WWOX: variants seen among roughly 807,000 people sequenced by gnomAD.
WWOX encodes the protein WW domain containing oxidoreductase.
A neutral mutation model predicts 46.2 loss-of-function variants in WWOX; 69 were observed. The ratio of observed to expected loss-of-function variants is 1.49; its 90% confidence interval spans 1.23 to 1.82. The LOEUF (loss-of-function observed/expected upper bound fraction) is 1.82. Among genes scored for constraint, WWOX ranks in the 40% most tolerant of loss-of-function variants. WWOX has a pLI of 0.00. For synonymous variants in WWOX, 359 were observed against 202.6 expected (o/e 1.77, Z -6.56); for missense variants, 919 against 542.6 (o/e 1.69, Z -6.89).
At chr16:78,451,153 C>T (rs1016474614) in intron 8 of WWOX, among the ~76,000 whole-genome samples, 2 of 152,060 alleles carry the variant, frequency 1.3e-5, no homozygotes, top group Non-Finnish European at 1.5e-5. Context: ...GAGTGGAGGC[C>T]GATTTCATCC....
intron 8 of WWOX, among the ~76,000 whole-genome samples, chr16:78,716,308 C>A (rs1279507768): frequency 6.6e-6 from 1 of 152,072 alleles, no homozygotes; most frequent in Non-Finnish European, 1.5e-5. Context: ...TCCCCTCCAG[C>A]CTTTGGAGGG....
intron 8 of WWOX, among the ~76,000 whole-genome samples, chr16:78,507,993 C>CGTGTGTGTGT (rs370434842): frequency 1.3e-3 from 193 of 145,540 alleles, no homozygotes; most frequent in African/African-American, 4.0e-3. Flanking sequence ...TTTTTGGTTG[C>CGTGTGTGTGT]GTGCGTGTGT....
At chr16:79,063,468 C>G (rs763145213) in intron 8 of WWOX, among the ~76,000 whole-genome samples, 7 of 152,118 alleles carry the variant, frequency 4.6e-5, no homozygotes, top group Non-Finnish European at 7.3e-5. Context: ...ATAGGAGGGA[C>G]AAAATAACTA....
At chr16:78,312,106 C>A (rs1339944599) in intron 5 of WWOX, among the ~76,000 whole-genome samples, 1 of 152,138 alleles carries the variant, frequency 6.6e-6, no homozygotes, top group Non-Finnish European at 1.5e-5. Context: ...TTGCCTCCTC[C>A]TCTTACTTTT....
chr16:78,821,360 A>G (rs1597669010), intron 8 of WWOX, among the ~76,000 whole-genome samples: 2 of 152,270 alleles, frequency 1.3e-5, no homozygotes, highest in East Asian at 1.9e-4. Context: ...CCACCCCACA[A>G]CAGGTGTATG....
intron 8 of WWOX, among the ~76,000 whole-genome samples, chr16:78,842,372 G>A (rs1003769921): frequency 6.6e-6 from 1 of 151,804 alleles, no homozygotes; most frequent in Admixed American, 6.6e-5. Context: ...GCTTGGTGGT[G>A]CACACCTGTA....
At chr16:78,371,929 C>T (rs567710786) in intron 5 of WWOX, among the ~76,000 whole-genome samples, 2 of 152,258 alleles carry the variant, frequency 1.3e-5, no homozygotes, top group Admixed American at 6.5e-5. Flanking sequence ...TAATTTATTT[C>T]CAGCTTATGT....
chr16:78,350,704 C>G lies in WWOX; in HGVS notation c.517-36156C>G, dbSNP rs35592895. 9.9e-5 allele frequency among the ~76,000 whole-genome samples: 12 copies of G among 121,136 alleles called. 5 individuals carry two copies. The highest frequency in any genetic ancestry group is 2.4e-4 in the Non-Finnish European group (12 of 50,706). 79.5% of individuals were successfully genotyped at this position (121,136 alleles called of 152,430 possible). On this transcript the variant is annotated intron_variant, in intron 5 of 8. Transcript: ENST00000566780. ...ACATTTCATCTATGCATTCAGTTCACGGACATGTAGGTTGTTTCCACATTT... is the reference window on the plus strand; with the variant it reads ...ACATTTCATCTATGCATTCAGTTCAGGGACATGTAGGTTGTTTCCACATTT...
chr16:78,156,943 A>G (rs1597281970), intron 4 of WWOX, among the ~76,000 whole-genome samples: 1 of 152,308 alleles, frequency 6.6e-6, no homozygotes, highest in Admixed American at 6.5e-5. Context: ...TCAGTCAATC[A>G]GTCAATCAAT....
chr16:78,790,943 C>T (rs912320167), intron 8 of WWOX, among the ~76,000 whole-genome samples: 1 of 136,934 alleles, frequency 7.3e-6, no homozygotes, highest in African/African-American at 2.8e-5. Context: ...CACCTGAGCC[C>T]AGGAGATGGA....
Position 78,354,243 on chromosome 16 carries a change from C to G in WWOX, c.517-32617C>G, listed in dbSNP as rs1212131658. 2.6e-5 allele frequency among the ~76,000 whole-genome samples: 4 copies of G among 150,972 alleles called. 1 individual carries two copies. Among genetic ancestry groups the G allele is most frequent in the Admixed American group, 2.6e-4 (4 of 15,140 alleles). On this transcript the variant is annotated intron_variant, in intron 5 of 8. Coordinates refer to ENST00000566780, the MANE Select transcript of WWOX (RefSeq NM_016373.4). ...CCACCCCAGCACCCCCCCACCCCTG[C>G]CAGAAATAAAGGGATTAATCTCTTT...
chr16:78,307,508 T>C (rs1423107229), intron 5 of WWOX, among the ~76,000 whole-genome samples: 1 of 152,204 alleles, frequency 6.6e-6, no homozygotes, highest in Non-Finnish European at 1.5e-5. Flanking sequence ...GGCAACAATC[T>C]GGTGGCTTCT....
At chr16:78,352,748 T>TA (rs1680283640) in intron 5 of WWOX, among the ~76,000 whole-genome samples, 1 of 152,126 alleles carries the variant, frequency 6.6e-6, no homozygotes, top group Non-Finnish European at 1.5e-5. Flanking sequence ...GCATTCCACA[T>TA]ACAGCAGTAC....
chr16:78,859,377 A>G (rs2052663502), intron 8 of WWOX, among the ~76,000 whole-genome samples: 1 of 152,106 alleles, frequency 6.6e-6, no homozygotes, highest in Non-Finnish European at 1.5e-5. Flanking sequence ...GCCTTCCAGA[A>G]AAGAGCAGAG....
chr16:78,578,276 A>AT (rs2044948523), intron 8 of WWOX, among the ~76,000 whole-genome samples: 29 of 32,922 alleles, frequency 8.8e-4, no homozygotes, highest in East Asian at 7.9e-3. Flanking sequence ...ATATATATAT[A>AT]TATATATATT....
chr16:79,082,608 C>T lies in WWOX; in HGVS notation c.1057-129000C>T, dbSNP rs759326046. ...TGAAACACAGCCCGCCAGAAAGTCG[C>T]GAGTGTTTTGATTTCATCCTATACC... On this transcript the variant is annotated intron_variant, in intron 8 of 8. Transcript: ENST00000566780. 3.9e-5 allele frequency among the ~76,000 whole-genome samples: 6 copies of T among 152,228 alleles called. No individual in the cohort carries two copies. In the East Asian group the frequency reaches 7.7e-4, roughly 20 times the overall value.
intron 8 of WWOX, among the ~76,000 whole-genome samples, chr16:79,157,836 A>G (rs918391644): frequency 2.0e-5 from 3 of 152,176 alleles, no homozygotes; most frequent in Non-Finnish European, 4.4e-5. Context: ...GGAGGACTGA[A>G]CGAGGCAGGG....
intron 8 of WWOX, among the ~76,000 whole-genome samples, chr16:79,023,639 G>T (rs1356945092): frequency 6.6e-6 from 1 of 152,106 alleles, no homozygotes; most frequent in East Asian, 1.9e-4. Context: ...CAAACATTAC[G>T]CTGGACGTGG....
At chr16:78,424,006 G>A (rs1407400490) in intron 6 of WWOX, among the ~76,000 whole-genome samples, 6 of 151,672 alleles carry the variant, frequency 4.0e-5, no homozygotes, top group South Asian at 2.1e-4. Flanking sequence ...TACACAGAGC[G>A]ATTACCCCCT....
Sources: gnomAD v4.1 joint callset for allele counts (sites outside exome capture counted in the v4.1 genomes callset) on GRCh38, gnomAD v4.1.1 for gene constraint, MANE v1.5 for transcripts, NCBI Gene and HGNC (gene_info 2026-07-23, HGNC 2026-07-21) for gene names.